Variants in ETS1 observed in about 807,000 individuals in gnomAD.
The protein encoded by ETS1 is protein C-ets-1.
A neutral mutation model predicts 58.6 loss-of-function variants in ETS1; 15 were observed. The ratio of observed to expected loss-of-function variants is 0.26; its 90% CI spans 0.17 to 0.39. ETS1 has a LOEUF of 0.39. Ranked by LOEUF, ETS1 falls within the 10% of genes least tolerant of loss-of-function variation. The pLI is 1.00. For missense variants in ETS1, 417 were observed against 610.5 expected (o/e 0.68, Z 3.34); for synonymous variants, 214 against 218.2 (o/e 0.98, Z 0.17).
intron 3 of ETS1, among the ~76,000 whole-genome samples, chr11:128,490,881 G>A (rs1862779746): frequency 1.3e-5 from 2 of 151,954 alleles, no homozygotes; most frequent in African/African-American, 4.8e-5. Context: ...ACCATGCCCA[G>A]CTAGTTTTTT....
chr11:128,498,470 G>C (rs1044221069), intron 3 of ETS1, among the ~76,000 whole-genome samples: 1 of 152,198 alleles, frequency 6.6e-6, no homozygotes, highest in African/African-American at 2.4e-5. Context: ...ATCTGCTAAC[G>C]GGAAATACTT....
intron 3 of ETS1, among the ~76,000 whole-genome samples, chr11:128,542,053 T>C (rs147411577): frequency 1.3e-5 from 2 of 152,334 alleles, no homozygotes; most frequent in African/African-American, 4.8e-5. Context: ...GGACCCCCCA[T>C]TTTCCTTTAG....
At chr11:128,557,867 T>C (rs144597518) in intron 2 of ETS1, among the ~76,000 whole-genome samples, 1 of 152,344 alleles carries the variant, frequency 6.6e-6, no homozygotes, top group East Asian at 1.9e-4. Context: ...AGAACTTACG[T>C]CTTCTCTTCT....
At chr11:128,560,613 G>C (rs947921224) in intron 2 of ETS1, among the ~76,000 whole-genome samples, 1 of 152,138 alleles carries the variant, frequency 6.6e-6, no homozygotes, top group Admixed American at 6.5e-5. Context: ...CATGCAGCTT[G>C]CATGGCTTAA....
intron 3 of ETS1, among the ~76,000 whole-genome samples, chr11:128,525,862 T>C (rs1863791167): frequency 6.6e-6 from 1 of 152,114 alleles, no homozygotes; most frequent in Admixed American, 6.5e-5. Flanking sequence ...AATGGAAAAT[T>C]AGAGATAGGA....
chr11:128,480,859 G>A (rs1862467505), intron 7 of ETS1, among the ~76,000 whole-genome samples: 1 of 152,148 alleles, frequency 6.6e-6, no homozygotes, highest in South Asian at 2.1e-4. Context: ...TCAGAGCAAT[G>A]TCAGGCTGAA....
intron 3 of ETS1, among the ~76,000 whole-genome samples, chr11:128,516,711 A>G (rs865952240): frequency 2.1e-4 from 32 of 152,292 alleles, no homozygotes; most frequent in Middle Eastern, 3.4e-3. Flanking sequence ...CATGGAATGG[A>G]CTTTTTTAAA....
rs200144254 is a variant in ETS1, at chr11:128,574,873, A to G, written c.-14-1729T>C. 3.3e-5 allele frequency among the ~76,000 whole-genome samples: 5 copies of G among 152,372 alleles called. No homozygotes were observed. In the East Asian group the frequency reaches 7.7e-4, roughly 23 times the overall value. On this transcript the variant is annotated intron_variant, in intron 1 of 9. Transcript: ENST00000392668. ...TTAACAACATTGATTGTGTCATATG[A>G]TAATGGCTTAACCACAATCAAATTC...
intron 3 of ETS1, among the ~76,000 whole-genome samples, chr11:128,545,465 G>C (rs1864120181): frequency 6.6e-6 from 1 of 152,114 alleles, no homozygotes; most frequent in Non-Finnish European, 1.5e-5. Context: ...TCTTTGGGGA[G>C]GTAAGTTGAC....
intron 3 of ETS1, among the ~76,000 whole-genome samples, chr11:128,542,899 G>A (rs772926443): frequency 1.8e-4 from 28 of 152,216 alleles, no homozygotes; most frequent in Non-Finnish European, 3.4e-4. Context: ...TAGGCCCAGC[G>A]TGGTGGCTCA....
chr11:128,489,256 T>TA (rs1427578306), intron 5 of ETS1, 34 bp downstream of exon 5: 1 of 1,595,830 alleles, frequency 6.3e-7, no homozygotes, highest in Non-Finnish European at 8.6e-7. Flanking sequence ...CAACCCCACA[T>TA]AACCTCCACC....
At chr11:128,522,209 C>T (rs1863698411) in intron 3 of ETS1, 2 of 1,234,302 alleles carry the variant, frequency 1.6e-6, no homozygotes, top group Non-Finnish European at 2.0e-6. Flanking sequence ...GAAGTGAGCG[C>T]GCTCGGGTCC....
intron 2 of ETS1, among the ~76,000 whole-genome samples, chr11:128,557,385 T>G (rs1864329258): frequency 6.6e-6 from 1 of 152,214 alleles, no homozygotes; most frequent in African/African-American, 2.4e-5. Context: ...AGTAGGACGA[T>G]TGAATGAAAT....
intron 1 of ETS1, among the ~76,000 whole-genome samples, chr11:128,579,976 A>T (rs1395966537): frequency 6.6e-6 from 1 of 151,426 alleles, no homozygotes; most frequent in Non-Finnish European, 1.5e-5. Flanking sequence ...CACTTCCTGT[A>T]TCTATGCCTG....
intron 2 of ETS1, among the ~76,000 whole-genome samples, chr11:128,567,862 G>A (rs1405257096): frequency 6.6e-6 from 1 of 152,138 alleles, no homozygotes; most frequent in Non-Finnish European, 1.5e-5. Flanking sequence ...TCGAACTCCT[G>A]ACCTCAGGTA....
intron 3 of ETS1, among the ~76,000 whole-genome samples, chr11:128,550,444 A>G (rs1355287374): frequency 6.6e-6 from 1 of 152,228 alleles, no homozygotes; most frequent in Non-Finnish European, 1.5e-5. Flanking sequence ...GAATCTCAGT[A>G]TCAGATGAGC....
intron 2 of ETS1, 45 bp downstream of exon 2, chr11:128,573,017 A>G (rs758244928): frequency 1.3e-6 from 2 of 1,489,724 alleles, no homozygotes; most frequent in East Asian, 4.7e-5. Context: ...GGAGGAGGGG[A>G]GAAGATTGTG....
At chr11:128,583,531 GT>G (rs201763385) in intron 1 of ETS1, among the ~76,000 whole-genome samples, 7 of 151,258 alleles carry the variant, frequency 4.6e-5, no homozygotes, top group East Asian at 1.9e-4. Context: ...TGCATTATAT[GT>G]TTTTTTTTAC....
intron 1 of ETS1, among the ~76,000 whole-genome samples, chr11:128,573,918 T>G (rs914695516): frequency 6.6e-6 from 1 of 152,222 alleles, no homozygotes; most frequent in Non-Finnish European, 1.5e-5. Context: ...ATCTCGAAGA[T>G]TAAATTCCTA....
Sources: allele counts gnomAD v4.1 joint callset (sites outside exome capture counted in the v4.1 genomes callset), GRCh38; gene constraint gnomAD v4.1.1; transcripts MANE v1.5; gene names NCBI Gene and HGNC (gene_info 2026-07-23, HGNC 2026-07-21).